Variants in EXOC2 observed in about 807,000 individuals in gnomAD.
The protein encoded by EXOC2 is SEC5-like 1.
A neutral mutation model predicts 131.8 loss-of-function variants in EXOC2; 70 were observed. The observed-to-expected ratio is 0.53, with a 90% confidence interval of 0.44 to 0.65. The LOEUF (loss-of-function observed/expected upper bound fraction) is 0.65. Among genes scored for constraint, EXOC2 ranks in the 30% least tolerant of loss-of-function variants. The pLI is 0.00. For missense variants in EXOC2, 923 were observed against 1,108.6 expected (o/e 0.83, Z 2.38); for synonymous variants, 411 against 398.4 (o/e 1.03, Z -0.38).
intron 1 of EXOC2, among the ~76,000 whole-genome samples, chr6:660,524 G>A (rs192010414): frequency 3.2e-4 from 48 of 152,308 alleles, no homozygotes; most frequent in East Asian, 2.3e-3. Flanking sequence ...GGGTAGACTC[G>A]CTGGGTGCTA....
At chr6:546,631 TGAG>T (rs1297124960) in intron 22 of EXOC2, among the ~76,000 whole-genome samples, 4 of 152,300 alleles carry the variant, frequency 2.6e-5, no homozygotes, top group East Asian at 1.9e-4. Flanking sequence ...CACATGAAGA[TGAG>T]GAGGATGAAG....
intron 1 of EXOC2, among the ~76,000 whole-genome samples, chr6:653,028 T>C (rs572293832): frequency 6.6e-6 from 1 of 152,362 alleles, no homozygotes; most frequent in East Asian, 1.9e-4. Flanking sequence ...TCTTTGATGA[T>C]ACTATTGTAA....
intron 13 of EXOC2, among the ~76,000 whole-genome samples, chr6:566,686 T>C (rs530117987): frequency 6.7e-6 from 1 of 148,542 alleles, no homozygotes; most frequent in Non-Finnish European, 1.5e-5. Flanking sequence ...GTCTTAGGCT[T>C]GGGTACTTTT....
intron 25 of EXOC2, 152 bp from the exon 26 acceptor site, chr6:491,338 A>G (rs1380689424): frequency 5.7e-6 from 4 of 702,524 alleles, no homozygotes; most frequent in Non-Finnish European, 9.7e-6. Context: ...TAGAGTTTCT[A>G]AAACAGTCCG....
intron 17 of EXOC2, among the ~76,000 whole-genome samples, chr6:558,568 T>C (rs1329680919): frequency 6.6e-6 from 1 of 152,160 alleles, no homozygotes; most frequent in Non-Finnish European, 1.5e-5. Context: ...TCCCGGCACT[T>C]TGGGAGGCTG....
intron 22 of EXOC2, among the ~76,000 whole-genome samples, chr6:535,374 T>C (rs559234938): frequency 6.6e-6 from 1 of 151,922 alleles, no homozygotes; most frequent in Non-Finnish European, 1.5e-5. Flanking sequence ...CTTAAAAAAT[T>C]TGAAATTTTT....
intron 1 of EXOC2, among the ~76,000 whole-genome samples, chr6:651,593 G>C (rs1182708852): frequency 6.6e-6 from 1 of 151,830 alleles, no homozygotes; most frequent in African/African-American, 2.4e-5. Flanking sequence ...GCCGAGGTTA[G>C]GGTAAGCCAA....
chr6:553,746 C>G (rs760465684), intron 21 of EXOC2, 108 bp downstream of exon 21: 27 of 841,824 alleles, frequency 3.2e-5, no homozygotes, highest in Non-Finnish European at 5.3e-5. Flanking sequence ...AGCACAGTGT[C>G]CTATACCACG....
At position 567,600 on chromosome 6, in the gene EXOC2, T is replaced by C. The variant is rs532378742; in HGVS notation, c.1444-2671A>G. ...TGTGTATGTCTACATACTGAGTACA[T>C]GCATGCATTTATATGCATGTGTTAT... On this transcript the variant is annotated intron_variant, in intron 13 of 27. Coordinates refer to ENST00000230449, the MANE Select transcript of EXOC2 (RefSeq NM_018303.6). Among the ~76,000 whole-genome samples, 22 of 152,354 alleles carry C rather than the reference T, an allele frequency of 1.4e-4. No homozygotes were observed. The South Asian group carries it at 1.4e-3, about 10-fold the overall frequency.
chr6:575,178 GT>G (rs1758507823), intron 12 of EXOC2, among the ~76,000 whole-genome samples: 2 of 152,138 alleles, frequency 1.3e-5, no homozygotes, highest in South Asian at 4.1e-4. Flanking sequence ...AGATCTAGTT[GT>G]TTCACCCATT....
intron 11 of EXOC2, among the ~76,000 whole-genome samples, chr6:592,171 C>T (rs779120213): frequency 6.6e-5 from 10 of 152,064 alleles, no homozygotes; most frequent in Non-Finnish European, 1.2e-4. Flanking sequence ...ATACACCTGA[C>T]GAGACGATGT....
intron 23 of EXOC2, among the ~76,000 whole-genome samples, chr6:518,677 C>T (rs1408881156): frequency 2.6e-5 from 4 of 152,106 alleles, no homozygotes; most frequent in Admixed American, 6.5e-5. Context: ...ACAGCACTGA[C>T]TCTAATATAT....
intron 11 of EXOC2, among the ~76,000 whole-genome samples, chr6:577,757 C>T (rs1202681121): frequency 6.6e-6 from 1 of 152,192 alleles, no homozygotes; most frequent in Non-Finnish European, 1.5e-5. Flanking sequence ...ATTCTCCCTA[C>T]AAAAATACAC....
At chr6:641,697 T>C (rs1329138021) in intron 1 of EXOC2, among the ~76,000 whole-genome samples, 2 of 152,188 alleles carry the variant, frequency 1.3e-5, no homozygotes, top group Non-Finnish European at 2.9e-5. Flanking sequence ...TGGCACCCCC[T>C]GAATCAAATA....
chr6:627,731 T>G (rs528046647), intron 4 of EXOC2, among the ~76,000 whole-genome samples: 1 of 152,300 alleles, frequency 6.6e-6, no homozygotes, highest in East Asian at 1.9e-4. Flanking sequence ...TTTCCTTAAT[T>G]ATGAGTTAAA....
intron 2 of EXOC2, among the ~76,000 whole-genome samples, chr6:637,493 AG>A (rs1320666632): frequency 6.6e-6 from 1 of 152,270 alleles, no homozygotes; most frequent in African/African-American, 2.4e-5. Context: ...AGGATTTGAA[AG>A]ACAATATAAG....
chr6:677,934 T>TCTCTCACA (rs111239666), intron 1 of EXOC2, among the ~76,000 whole-genome samples: 11 of 147,310 alleles, frequency 7.5e-5, no homozygotes, highest in South Asian at 2.2e-4. Flanking sequence ...TTATAATCTC[T>TCTCTCACA]CACACACACA....
chr6:540,502 G>A (rs1342482408), intron 22 of EXOC2, among the ~76,000 whole-genome samples: 2 of 152,110 alleles, frequency 1.3e-5, no homozygotes, highest in Non-Finnish European at 2.9e-5. Context: ...AAAGTTTCTG[G>A]AGAAGAAACA....
intron 4 of EXOC2, among the ~76,000 whole-genome samples, chr6:622,067 G>C (rs1331536806): frequency 2.6e-5 from 4 of 152,318 alleles, no homozygotes; most frequent in Admixed American, 2.6e-4. Context: ...AGCACTGTGT[G>C]AGGGATCACG....
Sources: allele counts gnomAD v4.1 joint callset (sites outside exome capture counted in the v4.1 genomes callset), GRCh38; gene constraint gnomAD v4.1.1; transcripts MANE v1.5; gene names NCBI Gene and HGNC (gene_info 2026-07-23, HGNC 2026-07-21).